The following CCAR1 variants were observed in gnomAD, a reference collection of about 807,000 sequenced individuals.
CCAR1 encodes the protein cell division cycle and apoptosis regulator 1, also known as cell division cycle and apoptosis regulator protein 1.
A neutral mutation model predicts 163.8 loss-of-function variants in CCAR1; 78 were observed. The ratio of observed to expected loss-of-function variants is 0.48; its 90% confidence interval spans 0.40 to 0.57. The LOEUF (loss-of-function observed/expected upper bound fraction) is 0.57. Among genes scored for constraint, CCAR1 ranks in the 20% least tolerant of loss-of-function variants. The pLI is 0.00. For missense variants in CCAR1, 1,019 were observed against 1,365.2 expected, an observed-to-expected ratio of 0.75 and a Z score of 4.00; for synonymous variants, 443 against 460.7, an observed-to-expected ratio of 0.96 and a Z score of 0.49.
intron 24 of CCAR1, among the ~76,000 whole-genome samples, chr10:68,790,841 A>T (rs1051637705): frequency 2.0e-5 from 3 of 151,386 alleles, no homozygotes; most frequent in Admixed American, 6.6e-5. Context: ...CTAAAAATAT[A>T]AAAAAACTGC....
chr10:68,730,740 G>A (rs1425482195), intron 2 of CCAR1, among the ~76,000 whole-genome samples: 2 of 152,046 alleles, frequency 1.3e-5, no homozygotes, highest in Admixed American at 6.6e-5. Context: ...CACACAGGCC[G>A]GAGTACAGTG....
intron 6 of CCAR1, among the ~76,000 whole-genome samples, chr10:68,745,429 G>A (rs1378101416): frequency 6.6e-6 from 1 of 151,460 alleles, no homozygotes; most frequent in Admixed American, 6.6e-5. Context: ...AGCCTCTGAA[G>A]TAGCTGGGAC....
intron 15 of CCAR1, among the ~76,000 whole-genome samples, chr10:68,758,765 C>T (rs2056432388): frequency 1.3e-5 from 2 of 151,312 alleles, no homozygotes; most frequent in South Asian, 2.1e-4. Flanking sequence ...CTATGCCTCC[C>T]GGGTTCAAGA....
At chr10:68,736,786 G>A in intron 2 of CCAR1, 90 bp from the exon 3 acceptor site, 1 of 1,066,738 alleles carries the variant, frequency 9.4e-7, no homozygotes, top group South Asian at 1.6e-5. Context: ...GAACATGGGG[G>A]TGCGGGTATC....
Position 68,761,294 on chromosome 10 carries a change from TATTTA to T in CCAR1, c.2106+111_2106+115del, listed in dbSNP as rs2056467018. 5 of 467,316 alleles carry T rather than the reference TATTTA, an allele frequency of 1.1e-5. No homozygotes were observed. The South Asian group carries it at 5.4e-4, about 51-fold the overall frequency. 28.9% of individuals were successfully genotyped at this position (467,316 alleles called of 1,614,324 possible). A position where few individuals can be genotyped will look rare whatever the true frequency, so the allele number is the denominator to read the frequency against. ...GATTATGTGTGTGTAAGCTTTTATT[TATTTA>T]ATTTAATTAATTAATTTATTTATTT... On this transcript the variant is annotated intron_variant, in intron 16 of 24. Coordinates refer to ENST00000265872, the MANE Select transcript of CCAR1 (RefSeq NM_018237.4).
At chr10:68,790,122 C>T (rs1039900826) in intron 24 of CCAR1, among the ~76,000 whole-genome samples, 14 of 151,898 alleles carry the variant, frequency 9.2e-5, no homozygotes, top group Admixed American at 2.6e-4. Context: ...GGGAGGCCAA[C>T]GCGGGCGGAT....
chr10:68,786,896 C>A (rs1324279346), intron 21 of CCAR1: 26 of 413,182 alleles, frequency 6.3e-5, no homozygotes, highest in Non-Finnish European at 1.1e-4. Context: ...ACCAGCTTGG[C>A]CAACATGGCG....
At chr10:68,733,851 A>G (rs1433415087) in intron 2 of CCAR1, among the ~76,000 whole-genome samples, 1 of 152,000 alleles carries the variant, frequency 6.6e-6, no homozygotes, top group Non-Finnish European at 1.5e-5. Flanking sequence ...TTTGGTAGAG[A>G]CAAGGTTTCA....
intron 19 of CCAR1, among the ~76,000 whole-genome samples, chr10:68,782,628 T>TG (rs2056749975): frequency 6.6e-6 from 1 of 152,194 alleles, no homozygotes; most frequent in South Asian, 2.1e-4. Context: ...TTAGGGCTAA[T>TG]GCAGCTTGTG....
At chr10:68,758,182 A>T (rs11595818) in intron 15 of CCAR1, among the ~76,000 whole-genome samples, 89 of 151,850 alleles carry the variant, frequency 5.9e-4, no homozygotes, top group Non-Finnish European at 1.0e-3. Context: ...AGCCTCTCGA[A>T]TAGCTTGGAT....
chr10:68,772,210 T>C (rs983475955), intron 18 of CCAR1, among the ~76,000 whole-genome samples: 2 of 152,084 alleles, frequency 1.3e-5, no homozygotes, highest in Non-Finnish European at 2.9e-5. Context: ...AGTATGGGCA[T>C]AGTGGCTCGC....
intron 19 of CCAR1, among the ~76,000 whole-genome samples, chr10:68,775,508 T>TTTTTTG (rs1410904814): frequency 2.0e-5 from 3 of 149,338 alleles, no homozygotes; most frequent in Non-Finnish European, 4.4e-5. Context: ...TTTTTTTTTT[T>TTTTTTG]TTTTTTGTTT....
At chr10:68,735,370 G>GC (rs1431335575) in intron 2 of CCAR1, among the ~76,000 whole-genome samples, 7 of 72,928 alleles carry the variant, frequency 9.6e-5, no homozygotes, top group Non-Finnish European at 1.5e-4. Flanking sequence ...CCGTTTTTGT[G>GC]CTTTTTTTTT....
chr10:68,755,013 G>A (rs941582992), intron 12 of CCAR1, among the ~76,000 whole-genome samples, 186 bp downstream of exon 12: 1 of 152,114 alleles, frequency 6.6e-6, no homozygotes, highest in African/African-American at 2.4e-5. Context: ...TATCTTATTT[G>A]TACGCTACTA....
chr10:68,724,392 G>A (rs2055910137), intron 2 of CCAR1, among the ~76,000 whole-genome samples: 1 of 152,116 alleles, frequency 6.6e-6, no homozygotes, highest in Non-Finnish European at 1.5e-5. Flanking sequence ...CTTGAACCGG[G>A]GAGGCAGAGG....
At chr10:68,776,095 C>T (rs1421477402) in intron 19 of CCAR1, among the ~76,000 whole-genome samples, 1 of 152,064 alleles carries the variant, frequency 6.6e-6, no homozygotes, top group Non-Finnish European at 1.5e-5. Flanking sequence ...TCCCAAAGTG[C>T]TGGGTTTATA....
intron 2 of CCAR1, among the ~76,000 whole-genome samples, chr10:68,726,095 C>CA (rs1395878155): frequency 3.1e-5 from 4 of 128,782 alleles, no homozygotes; most frequent in Non-Finnish European, 6.4e-5. Context: ...GCCTGGGTGA[C>CA]AGAGTGAGAC....
At chr10:68,733,969 A>T (rs572207805) in intron 2 of CCAR1, among the ~76,000 whole-genome samples, 10 of 152,238 alleles carry the variant, frequency 6.6e-5, no homozygotes, top group Admixed American at 2.0e-4. Flanking sequence ...GAGGTTTTTT[A>T]AAAAACATTT....
intron 10 of CCAR1, among the ~76,000 whole-genome samples, chr10:68,749,924 C>T (rs2056309131): frequency 6.6e-6 from 1 of 152,146 alleles, no homozygotes; most frequent in Non-Finnish European, 1.5e-5. Context: ...ATTCCTCTGT[C>T]ATAACGTTAT....
Sources: allele counts gnomAD v4.1 joint callset (sites outside exome capture counted in the v4.1 genomes callset), GRCh38; gene constraint gnomAD v4.1.1; transcripts MANE v1.5; gene names NCBI Gene and HGNC (gene_info 2026-07-23, HGNC 2026-07-21).